PRELID2: variants seen among roughly 807,000 people sequenced by gnomAD.
The protein encoded by PRELID2 is PRELI domain-containing protein 2.
PRELID2 carries 25 observed loss-of-function variants against 28.4 expected under a neutral mutation model. That is an observed-to-expected ratio of 0.88 (90% CI 0.64 to 1.23). The LOEUF is 1.23. PRELID2 is among the 50% of genes most tolerant of loss of function. The pLI is 0.00. For missense variants in PRELID2, 201 were observed against 214.4 expected (o/e 0.94, Z 0.39); for synonymous variants, 76 against 71.6 (o/e 1.06, Z -0.31).
intron 1 of PRELID2, among the ~76,000 whole-genome samples, chr5:145,534,762 G>A (rs567380925): frequency 6.6e-5 from 10 of 151,896 alleles, no homozygotes; most frequent in South Asian, 4.2e-4. Flanking sequence ...AAGCTGATAC[G>A]TATCACAGAA....
the PRELID2 span, among the ~76,000 whole-genome samples, chr5:145,304,213 C>T: frequency 1.3e-5 from 2 of 151,890 alleles, no homozygotes; most frequent in Non-Finnish European, 2.9e-5. Flanking sequence ...TGTCCTAATG[C>T]CTTATTTTCA....
At chr5:145,353,717 G>C in the PRELID2 span, among the ~76,000 whole-genome samples, 1 of 152,064 alleles carries the variant, frequency 6.6e-6, no homozygotes, top group African/African-American at 2.4e-5. Flanking sequence ...CAGCATGGAG[G>C]TAACTGCCTC....
chr5:145,833,196 T>C (rs1029594376), intron 1 of PRELID2, among the ~76,000 whole-genome samples: 3 of 152,196 alleles, frequency 2.0e-5, no homozygotes, highest in Admixed American at 6.5e-5. Context: ...TTGTGTTATG[T>C]GCTTCTGCAG....
the PRELID2 span, among the ~76,000 whole-genome samples, chr5:145,425,099 G>A: frequency 2.0e-5 from 3 of 151,256 alleles, no homozygotes; most frequent in Admixed American, 6.6e-5. Context: ...GTAGGCAAAA[G>A]ACATGAACAG....
At chr5:145,376,101 T>C in the PRELID2 span, among the ~76,000 whole-genome samples, 3 of 152,226 alleles carry the variant, frequency 2.0e-5, no homozygotes, top group Non-Finnish European at 2.9e-5. Context: ...GTTTTTAACA[T>C]GCAGTGGTGT....
In PRELID2 at chr5:145,728,649, T is replaced by C. The variant is rs144208946; in HGVS notation, n.70+36282A>G. 2.0e-3 allele frequency: 2,765 copies of C among 1,408,674 alleles called. 47 individuals are homozygous for C. The African/African-American group carries it at 0.036, about 18-fold the overall frequency. 87.3% of individuals were successfully genotyped at this position (1,408,674 alleles called of 1,614,324 possible). A position where few individuals can be genotyped will look rare whatever the true frequency, so the allele number is the denominator to read the frequency against. On this transcript the variant is annotated intron_variant and non_coding_transcript_variant, in intron 1 of 2. Transcript: ENST00000510259. ...GACTCCATAACGAACATAACCAATA[T>C]TTTCAATGAATTTGTGGTTATAGTT...
At chr5:145,554,939 T>C (rs368221913) in intron 1 of PRELID2, among the ~76,000 whole-genome samples, 1 of 152,202 alleles carries the variant, frequency 6.6e-6, no homozygotes, top group African/African-American at 2.4e-5. Context: ...ATAGAAGTTG[T>C]CCGTATATAT....
intron 1 of PRELID2, among the ~76,000 whole-genome samples, chr5:145,606,745 G>T (rs1291552987): frequency 2.6e-5 from 4 of 152,024 alleles, no homozygotes; most frequent in Admixed American, 1.3e-4. Context: ...TTGTGTATCG[G>T]CCAGGTTTTG....
At chr5:145,717,395 CTTT>C (rs2149714668) in intron 1 of PRELID2, among the ~76,000 whole-genome samples, 1 of 152,084 alleles carries the variant, frequency 6.6e-6, no homozygotes, top group African/African-American at 2.4e-5. Flanking sequence ...CAGCTGTACA[CTTT>C]AAAATGGTTA....
chr5:145,704,095 G>A (rs778680966), intron 1 of PRELID2: 23 of 152,240 alleles, frequency 1.5e-4, no homozygotes, highest in Admixed American at 1.3e-3. Flanking sequence ...ATTGCTAATC[G>A]AGCTTGGAGA....
chr5:145,621,411 T>C (rs1055037147), intron 1 of PRELID2, among the ~76,000 whole-genome samples: 3 of 152,144 alleles, frequency 2.0e-5, no homozygotes, highest in South Asian at 2.1e-4. Context: ...ACAAAGAGAT[T>C]TGACATTCTA....
intron 1 of PRELID2, among the ~76,000 whole-genome samples, chr5:145,474,157 G>A (rs1383178141): frequency 1.3e-5 from 2 of 152,152 alleles, no homozygotes; most frequent in Admixed American, 1.3e-4. Flanking sequence ...ATACTAATAA[G>A]TAACAACAAT....
At chr5:145,537,468 T>C (rs557221958) in intron 1 of PRELID2, among the ~76,000 whole-genome samples, 35 of 151,896 alleles carry the variant, frequency 2.3e-4, no homozygotes, top group African/African-American at 8.0e-4. Flanking sequence ...TTTATCCACA[T>C]CCTCAGCAAC....
intron 1 of PRELID2, among the ~76,000 whole-genome samples, chr5:145,621,561 T>C (rs548199149): frequency 6.6e-6 from 1 of 152,314 alleles, no homozygotes; most frequent in African/African-American, 2.4e-5. Flanking sequence ...GAAATATTAT[T>C]CTACAATAAA....
intron 1 of PRELID2, among the ~76,000 whole-genome samples, chr5:145,508,686 A>T (rs1752434365): frequency 6.6e-6 from 1 of 152,126 alleles, no homozygotes; most frequent in South Asian, 2.1e-4. Context: ...CTTGCTCCTA[A>T]ATCAGAGACA....
the PRELID2 span, among the ~76,000 whole-genome samples, chr5:145,323,648 G>C: frequency 5.3e-5 from 8 of 152,008 alleles, no homozygotes; most frequent in African/African-American, 1.9e-4. Context: ...CCCAGCATCC[G>C]TTCCCTTCTT....
Position 145,566,155 on chromosome 5 carries a change from C to A in PRELID2, n.71-92840G>T, listed in dbSNP as rs75339532. 2.6e-3 allele frequency among the ~76,000 whole-genome samples: 399 copies of A among 152,334 alleles called. 4 individuals are homozygous for A. Among genetic ancestry groups the A allele is most frequent in the African/African-American group, 8.9e-3 (371 of 41,572 alleles). On this transcript the variant is annotated intron_variant and non_coding_transcript_variant, in intron 1 of 2. Coordinates refer to the PRELID2 transcript ENST00000510259. ...CTCAGAAGTGTTCTTGCAATGGTGA[C>A]AACTGCCAAATAGCCCCTGTATCTC...
chr5:145,395,247 T>G, the PRELID2 span, among the ~76,000 whole-genome samples: 17 of 152,052 alleles, frequency 1.1e-4, no homozygotes, highest in African/African-American at 3.9e-4. Flanking sequence ...CCCACCACCC[T>G]GACTGCCAAC....
At chr5:145,820,829 A>G (rs895230322) in intron 2 of PRELID2, among the ~76,000 whole-genome samples, 1 of 152,202 alleles carries the variant, frequency 6.6e-6, no homozygotes, top group Non-Finnish European at 1.5e-5. Flanking sequence ...CCTAAACAGG[A>G]AAAAGCTATT....
Sources: gnomAD v4.1 joint callset for allele counts (sites outside exome capture counted in the v4.1 genomes callset) on GRCh38, gnomAD v4.1.1 for gene constraint, MANE v1.5 for transcripts, NCBI Gene and HGNC (gene_info 2026-07-23, HGNC 2026-07-21) for gene names.